ARHGAP8: variants seen among roughly 807,000 people sequenced by gnomAD.
ARHGAP8 encodes the protein rho GTPase-activating protein 8.
ARHGAP8 carries 62 observed loss-of-function variants against 46.1 expected under a neutral mutation model. That is an observed-to-expected ratio of 1.34 (90% CI 1.10 to 1.66). The LOEUF (loss-of-function observed/expected upper bound fraction) is 1.66. ARHGAP8 is among the 40% of genes most tolerant of loss of function. The probability of loss-of-function intolerance (pLI) is 0.00; values close to 1 mark genes in which losing one functional copy is unlikely to be tolerated. For missense variants in ARHGAP8, 923 were observed against 568.4 expected (o/e 1.62, Z -6.34); for synonymous variants, 375 against 243.1 (o/e 1.54, Z -5.05).
rs576276929 is a variant in ARHGAP8 at position 44,764,569 on chromosome 22, G to A, written c.-72+11942G>A. Among the ~76,000 whole-genome samples the A allele has an allele frequency of 2.0e-5, 3 of 152,326 alleles. No individual in the cohort carries two copies. In the South Asian group the frequency reaches 6.2e-4, roughly 32 times the overall value. ...GTTCTCTGCTGGAGCCGAGAGACCT[G>A]GGCTGCAGACGCAGCTCTCTGCCAA... On this transcript the variant is annotated intron_variant, in intron 1 of 11. Coordinates refer to ENST00000356099, the MANE Select transcript of ARHGAP8 (RefSeq NM_181335.3).
At chr22:44,800,573 G>A (rs370523013) in intron 2 of ARHGAP8, among the ~76,000 whole-genome samples, 5,904 of 114,380 alleles carry the variant, frequency 0.052, 285 homozygotes, top group East Asian at 0.23. Context: ...GCCCCTCCCC[G>A]CAGCTGTCCA....
rs1223234991 is a variant in ARHGAP8 at position 44,862,441 on chromosome 22, C to A, written c.1148C>A (p.Thr383Asn). The change falls in exon 12 of 12, where the codon ACC becomes AAC. Residue 383 changes from threonine to asparagine, a missense_variant. Physicochemically the swap from Thr to Asn is moderately conservative, Grantham distance 65. Coordinates refer to ENST00000356099, the MANE Select transcript of ARHGAP8 (RefSeq NM_181335.3). ...GAGTACTATGAAAAGATCTTCAGCA[C>A]CCCGGAGGCACCTGGGGAGCACGGC... ...LIEYYEKIFS[T>N]PEAPGEHGLA... The A allele has an allele frequency of 3.1e-6, 5 of 1,613,986 alleles. No individual in the cohort carries two copies. Among genetic ancestry groups the A allele is most frequent in the Middle Eastern group, 1.6e-4 (1 of 6,084 alleles).
rs1430993907 is a variant in ARHGAP8, at chr22:44,812,286, C to T, written c.300-2386C>T. Among the ~76,000 whole-genome samples, 3 of 151,850 alleles carry T rather than the reference C, an allele frequency of 2.0e-5. No homozygotes were observed. In the East Asian group the frequency reaches 5.8e-4, roughly 29 times the overall value. ...CCTTGCAGCAGCTGCCCTCTGGGCT[C>T]CTGGAGACTCTGGAAGCCACTGCTA... On this transcript the variant is annotated intron_variant, in intron 4 of 11. Coordinates refer to ENST00000356099, the MANE Select transcript of ARHGAP8 (RefSeq NM_181335.3).
Position 44,862,601 on chromosome 22 carries a change from C to A in ARHGAP8, c.*6C>A, listed in dbSNP as rs11183. On this transcript the variant is annotated 3_prime_UTR_variant, in exon 12 of 12. Coordinates refer to ENST00000356099, the MANE Select transcript of ARHGAP8 (RefSeq NM_181335.3). The stretch of plus-strand genomic sequence containing the variant: ...CAGCCAGAAGACGTCTCTAGTGTTG[C>A]GAACACTCTGTATATTTCGAGCTAC... The A allele has an allele frequency of 3.9e-6, 6 of 1,555,882 alleles. No homozygotes were observed. Among genetic ancestry groups the A allele is most frequent in the South Asian group, 1.2e-5 (1 of 84,386 alleles).
intron 1 of ARHGAP8, among the ~76,000 whole-genome samples, chr22:44,759,027 G>T (rs1370275449): frequency 1.3e-5 from 2 of 152,226 alleles, no homozygotes; most frequent in African/African-American, 4.8e-5. Flanking sequence ...GGCCCCAGCT[G>T]CATCCACTTC....
chr22:44,820,371 T>C (rs1387949910), intron 5 of ARHGAP8, among the ~76,000 whole-genome samples: 1 of 152,140 alleles, frequency 6.6e-6, no homozygotes, highest in Admixed American at 6.5e-5. Flanking sequence ...GGCACCTCTG[T>C]CCCTGAGAAT....
chr22:44,798,687 G>A (rs1381933852), intron 2 of ARHGAP8, among the ~76,000 whole-genome samples: 2 of 152,062 alleles, frequency 1.3e-5, no homozygotes, highest in East Asian at 1.9e-4. Flanking sequence ...TGCTGGACAC[G>A]CTCCATCCCT....
At chr22:44,796,488 G>A (rs960587604) in intron 2 of ARHGAP8, among the ~76,000 whole-genome samples, 2 of 152,024 alleles carry the variant, frequency 1.3e-5, no homozygotes, top group Admixed American at 6.6e-5. Flanking sequence ...GGGGTGGGGG[G>A]CTCTAAGACC....
chr22:44,818,900 T>C (rs1310038288), intron 5 of ARHGAP8, among the ~76,000 whole-genome samples: 2 of 152,148 alleles, frequency 1.3e-5, no homozygotes, highest in African/African-American at 2.4e-5. Context: ...GGTCTCGCTA[T>C]GTTGCCCAGG....
intron 1 of ARHGAP8, among the ~76,000 whole-genome samples, chr22:44,773,995 G>A (rs530710006): frequency 1.1e-4 from 16 of 152,298 alleles, no homozygotes; most frequent in African/African-American, 1.4e-4. Flanking sequence ...GCATTATCTC[G>A]CTAAATCCTT....
At chr22:44,758,282 T>C (rs1360193819) in intron 1 of ARHGAP8, among the ~76,000 whole-genome samples, 2 of 151,948 alleles carry the variant, frequency 1.3e-5, no homozygotes, top group East Asian at 3.9e-4. Context: ...ATTAGCTACT[T>C]GTGGTGGCGT....
At position 44,857,004 on chromosome 22, in the gene ARHGAP8, A is replaced by C. The variant is rs898108677; in HGVS notation, c.878-2727A>C. Among the ~76,000 whole-genome samples, 4 of 141,754 alleles carry C rather than the reference A, an allele frequency of 2.8e-5. 1 individual carries two copies. The highest frequency in any genetic ancestry group is 6.1e-5 in the Non-Finnish European group (4 of 66,090). 93.0% of individuals were successfully genotyped at this position (141,754 alleles called of 152,430 possible). ...CGCAAAGGCTGGAGTGCAATGGTGCAATCTCGGCTCACTGCAACCTCTGCC... is the reference window on the plus strand; with the variant it reads ...CGCAAAGGCTGGAGTGCAATGGTGCCATCTCGGCTCACTGCAACCTCTGCC... On this transcript the variant is annotated intron_variant, in intron 10 of 11. Coordinates refer to ENST00000356099, the MANE Select transcript of ARHGAP8 (RefSeq NM_181335.3).
intron 2 of ARHGAP8, among the ~76,000 whole-genome samples, chr22:44,788,263 C>T (rs5766016): frequency 0.42 from 64,156 of 151,664 alleles, 13,980 homozygotes; most frequent in East Asian, 0.55. Flanking sequence ...GGATTACAGG[C>T]GCCTGCCACC....
chr22:44,806,878 G>T (rs1273788359), intron 3 of ARHGAP8, among the ~76,000 whole-genome samples: 1 of 151,448 alleles, frequency 6.6e-6, no homozygotes, highest in Non-Finnish European at 1.5e-5. Flanking sequence ...GCACGAGAAC[G>T]GCGTGAATCC....
chr22:44,841,135 C>T (rs1050454526), intron 7 of ARHGAP8, among the ~76,000 whole-genome samples: 1 of 152,122 alleles, frequency 6.6e-6, no homozygotes, highest in African/African-American at 2.4e-5. Flanking sequence ...CCGTGGCCCT[C>T]GTAGGGAACG....
chr22:44,803,920 A>G (rs1244394043), intron 3 of ARHGAP8, among the ~76,000 whole-genome samples: 2 of 151,424 alleles, frequency 1.3e-5, no homozygotes, highest in Non-Finnish European at 2.9e-5. Context: ...AGACTAACCT[A>G]AAGTAGATTG....
intron 1 of ARHGAP8, 55 bp downstream of exon 1, chr22:44,752,682 G>A (rs531594025): frequency 1.4e-5 from 2 of 145,262 alleles, no homozygotes; most frequent in East Asian, 2.0e-4. Flanking sequence ...TGCTCGGGGT[G>A]GGGGGGTGCG....
At chr22:44,847,866 A>T in intron 8 of ARHGAP8, 107 bp from the exon 9 acceptor site, 1 of 1,403,002 alleles carries the variant, frequency 7.1e-7, no homozygotes, top group Non-Finnish European at 9.8e-7. Context: ...AAATGTGTGG[A>T]GGCCAGCCAC....
intron 4 of ARHGAP8, chr22:44,808,882 A>G (rs1929136884): frequency 2.7e-6 from 1 of 363,872 alleles, no homozygotes; most frequent in African/African-American, 2.1e-5. Flanking sequence ...CAGTGGTGCA[A>G]TCATGGTTCA....
Sources: allele counts gnomAD v4.1 joint callset (sites outside exome capture counted in the v4.1 genomes callset), GRCh38; gene constraint gnomAD v4.1.1; transcripts MANE v1.5; gene names NCBI Gene and HGNC (gene_info 2026-07-23, HGNC 2026-07-21).